The following MAST4 variants were observed in gnomAD, a reference collection of about 807,000 sequenced individuals.
The protein encoded by MAST4 is microtubule-associated serine/threonine-protein kinase 4.
A neutral mutation model predicts 162.7 loss-of-function variants in MAST4; 89 were observed. The observed-to-expected ratio is 0.55, with a 90% CI of 0.46 to 0.65. The LOEUF is 0.65. MAST4 is among the 30% of genes least tolerant of loss of function. The pLI, the probability that MAST4 is intolerant of heterozygous loss-of-function variation, is 0.00. For synonymous variants in MAST4, 1,479 were observed against 1,361.1 expected (o/e 1.09, Z -1.91); for missense variants, 3,153 against 3,374.0 (o/e 0.93, Z 1.62).
In MAST4 at chr5:66,616,475, C is replaced by T. The variant is rs73764398; in HGVS notation, c.363+19457C>T. Among the ~76,000 whole-genome samples the T allele has an allele frequency of 1.0e-2, 1,523 of 152,316 alleles. 24 individuals carry two copies. The highest frequency in any genetic ancestry group is 0.034 in the African/African-American group (1,434 of 41,566). The stretch of plus-strand genomic sequence containing the variant: ...CTGTCTCAAATAAGACCAGCTCTGG[C>T]TGGCTGGACATCTGGGGCAGGTGTC... On this transcript the variant is annotated intron_variant, in intron 1 of 28. Transcript: ENST00000403625.
chr5:66,847,840 A>AAAAAAAAAAAAAAAAAAAAAAAAAC (rs1561378445), intron 3 of MAST4, among the ~76,000 whole-genome samples: 1 of 150,976 alleles, frequency 6.6e-6, no homozygotes, highest in Non-Finnish European at 1.5e-5. Context: ...AAAAAAAAAA[A>AAAAAAAAAAAAAAAAAAAAAAAAAC]AAAGAAAAAC....
At chr5:66,892,258 A>G (rs767802844) in intron 3 of MAST4, among the ~76,000 whole-genome samples, 2 of 152,234 alleles carry the variant, frequency 1.3e-5, no homozygotes, top group Non-Finnish European at 2.9e-5. Flanking sequence ...ATGAATAACA[A>G]GAAACATTGG....
intron 4 of MAST4, among the ~76,000 whole-genome samples, chr5:67,053,001 A>G (rs1047714466): frequency 2.0e-5 from 3 of 152,200 alleles, no homozygotes; most frequent in Admixed American, 6.5e-5. Flanking sequence ...GAATACATAC[A>G]TTTCTTGATA....
At chr5:66,720,026 TGCA>T (rs2149536762) in intron 1 of MAST4, among the ~76,000 whole-genome samples, 1 of 152,354 alleles carries the variant, frequency 6.6e-6, no homozygotes, top group African/African-American at 2.4e-5. Flanking sequence ...CCATTAATAC[TGCA>T]GCTAATGCTT....
At chr5:66,657,146 T>TG (rs1165505551) in intron 1 of MAST4, among the ~76,000 whole-genome samples, 4 of 152,256 alleles carry the variant, frequency 2.6e-5, no homozygotes, top group African/African-American at 7.2e-5. Context: ...GATTGATTGC[T>TG]GATCAGCTGA....
At chr5:66,690,333 A>T (rs1748959433) in intron 1 of MAST4, among the ~76,000 whole-genome samples, 1 of 152,168 alleles carries the variant, frequency 6.6e-6, no homozygotes, top group Admixed American at 6.6e-5. Flanking sequence ...AGGATTCTAA[A>T]ATCTGGGAAG....
intron 2 of MAST4, among the ~76,000 whole-genome samples, chr5:66,762,945 G>A (rs188529511): frequency 2.2e-3 from 341 of 152,334 alleles, no homozygotes; most frequent in Non-Finnish European, 3.5e-3. Flanking sequence ...TATAATGATA[G>A]CTAATATTAA....
At chr5:66,742,556 T>G (rs574577312) in intron 1 of MAST4, among the ~76,000 whole-genome samples, 1 of 152,286 alleles carries the variant, frequency 6.6e-6, no homozygotes, top group East Asian at 1.9e-4. Context: ...CCCCACCCAG[T>G]CCTTGGGGGC....
intron 1 of MAST4, among the ~76,000 whole-genome samples, chr5:66,673,523 G>GTTTTT (rs1208217801): frequency 9.1e-4 from 120 of 131,272 alleles, no homozygotes; most frequent in East Asian, 4.6e-3. Context: ...TTTGTTTTTT[G>GTTTTT]TTTTTTGTTT....
At chr5:66,882,346 C>T (rs902819529) in intron 3 of MAST4, among the ~76,000 whole-genome samples, 5 of 152,268 alleles carry the variant, frequency 3.3e-5, no homozygotes, top group African/African-American at 1.2e-4. Flanking sequence ...TCTTTTCTCT[C>T]CTGGGACCCC....
At chr5:66,820,963 C>T (rs546070016) in intron 3 of MAST4, among the ~76,000 whole-genome samples, 5 of 152,220 alleles carry the variant, frequency 3.3e-5, no homozygotes, top group East Asian at 1.9e-4. Context: ...ATGCATGTTA[C>T]GTTGTAGAAA....
At position 66,614,245 on chromosome 5, in the gene MAST4, T is replaced by C. The variant is rs1261297784; in HGVS notation, c.363+17227T>C. On this transcript the variant is annotated intron_variant, in intron 1 of 28. Coordinates refer to ENST00000403625, the MANE Select transcript of MAST4 (RefSeq NM_001164664.2). ...AGCAGTCCGTGAGGCCCCGCGTGGG[T>C]GTCTGGCCAGTTCCACTACTTCAAA... Among the ~76,000 whole-genome samples, 3 of 152,236 alleles carry C rather than the reference T, an allele frequency of 2.0e-5. 1 individual carries two copies. Among genetic ancestry groups the C allele is most frequent in the Non-Finnish European group, 4.4e-5 (3 of 68,036 alleles).
chr5:66,808,702 A>G (rs2149710040), intron 3 of MAST4, among the ~76,000 whole-genome samples: 1 of 152,278 alleles, frequency 6.6e-6, no homozygotes, highest in South Asian at 2.1e-4. Flanking sequence ...TTTGCCCTGC[A>G]TTTGGTAGTG....
chr5:66,879,278 C>A (rs1761521333), intron 3 of MAST4, among the ~76,000 whole-genome samples: 1 of 150,466 alleles, frequency 6.6e-6, no homozygotes, highest in Non-Finnish European at 1.5e-5. Flanking sequence ...GACTCCGTCT[C>A]AAAAAAAAAG....
At chr5:66,965,224 G>GTTTTTT (rs1561485927) in intron 4 of MAST4, among the ~76,000 whole-genome samples, 1 of 72,420 alleles carries the variant, frequency 1.4e-5, no homozygotes, top group Non-Finnish European at 2.8e-5. Flanking sequence ...TTTTTTTTTT[G>GTTTTTT]CTTTTTTTTT....
intron 4 of MAST4, among the ~76,000 whole-genome samples, chr5:66,968,796 T>C (rs951251077): frequency 6.6e-6 from 1 of 152,172 alleles, no homozygotes; most frequent in African/African-American, 2.4e-5. Flanking sequence ...ACTGAGTAGA[T>C]ATCAATTATC....
Position 66,780,386 on chromosome 5 carries a change from C to T in MAST4, c.518-8284C>T, listed in dbSNP as rs141295132. Among the ~76,000 whole-genome samples the T allele has an allele frequency of 4.4e-3, 667 of 152,266 alleles. 6 individuals are homozygous for T. The highest frequency in any genetic ancestry group is 0.015 in the African/African-American group (640 of 41,554). ...CTTCAAGAATGAAGCTGCAGACCTT[C>T]GCAGTGAGTGTTACAGTTTTTAAAG... On this transcript the variant is annotated intron_variant, in intron 2 of 28. Coordinates refer to ENST00000403625, the MANE Select transcript of MAST4 (RefSeq NM_001164664.2).
chr5:66,897,401 C>T (rs771628711), intron 3 of MAST4, among the ~76,000 whole-genome samples: 8 of 152,332 alleles, frequency 5.3e-5, no homozygotes, highest in East Asian at 1.9e-4. Context: ...CGTTCATTGA[C>T]GTCTGACAGG....
chr5:67,004,376 T>A lies in MAST4; in HGVS notation c.675-50028T>A, dbSNP rs370742810. On this transcript the variant is annotated intron_variant, in intron 4 of 28. Transcript: ENST00000403625. ...GGAAGGGTCCACAAAGGTGTCAGGTTCAAGTCCTCCAATAGGCCCATTTTT... is the reference window on the plus strand; with the variant it reads ...GGAAGGGTCCACAAAGGTGTCAGGTACAAGTCCTCCAATAGGCCCATTTTT... 9.2e-5 allele frequency among the ~76,000 whole-genome samples: 14 copies of A among 152,340 alleles called. No homozygotes were observed. In the East Asian group the frequency reaches 2.1e-3, roughly 23 times the overall value.
Sources: gnomAD v4.1 joint callset for allele counts (sites outside exome capture counted in the v4.1 genomes callset) on GRCh38, gnomAD v4.1.1 for gene constraint, MANE v1.5 for transcripts, NCBI Gene and HGNC (gene_info 2026-07-23, HGNC 2026-07-21) for gene names.